Variants in MACROD2 observed in about 807,000 individuals in gnomAD.
MACROD2 encodes the protein ADP-ribose glycohydrolase MACROD2.
In MACROD2, 36 loss-of-function variants were observed where a neutral mutation model predicts 70.4. The observed-to-expected ratio is 0.51, with a 90% CI of 0.39 to 0.68. The LOEUF (loss-of-function observed/expected upper bound fraction) is 0.68, where lower values mean the gene tolerates loss of function less well. Among genes scored for constraint, MACROD2 ranks in the 30% least tolerant of loss-of-function variants. The pLI is 0.00. For missense variants in MACROD2, 496 were observed against 538.4 expected (o/e 0.92, Z 0.78); for synonymous variants, 172 against 178.8 (o/e 0.96, Z 0.30).
chr20:14,871,995 G>A lies in MACROD2; in HGVS notation c.418+187036G>A, dbSNP rs189179600. On this transcript the variant is annotated intron_variant, in intron 5 of 17. Transcript: ENST00000684519. ...AACTATGCTAAATATATATGCACCC[G>A]ACACAGTAGCACCCAGATTCATAAA... 5.3e-4 allele frequency among the ~76,000 whole-genome samples: 81 copies of A among 152,008 alleles called. 2 individuals are homozygous for A. The highest frequency in any genetic ancestry group is 1.5e-4 in the Non-Finnish European group (10 of 67,936).
chr20:14,322,652 C>T (rs933831790), intron 3 of MACROD2, among the ~76,000 whole-genome samples: 20 of 152,008 alleles, frequency 1.3e-4, no homozygotes, highest in African/African-American at 4.8e-4. Context: ...ATTTTGAAGA[C>T]AGCAAACAAA....
intron 5 of MACROD2, among the ~76,000 whole-genome samples, chr20:15,070,433 G>C (rs746807962): frequency 6.6e-6 from 1 of 152,060 alleles, no homozygotes; most frequent in Non-Finnish European, 1.5e-5. Context: ...TGGGGGATCA[G>C]GGGTAGAATG....
intron 8 of MACROD2, among the ~76,000 whole-genome samples, chr20:15,705,577 G>A (rs571863316): frequency 1.3e-5 from 2 of 152,000 alleles, no homozygotes; most frequent in African/African-American, 4.8e-5. Context: ...CCTCCACCAC[G>A]TCTGGTTAAT....
chr20:14,324,395 TATATA>T (rs996082084), intron 3 of MACROD2: 1 of 152,578 alleles, frequency 6.6e-6, no homozygotes, highest in African/African-American at 2.4e-5. Flanking sequence ...ACGAGTTCAT[TATATA>T]ATATCTGGAA....
At chr20:14,249,044 C>T (rs2081989164) in intron 3 of MACROD2, among the ~76,000 whole-genome samples, 1 of 150,896 alleles carries the variant, frequency 6.6e-6, no homozygotes, top group Non-Finnish European at 1.5e-5. Flanking sequence ...TTTCTAGAGG[C>T]AAGATCTTGT....
intron 8 of MACROD2, among the ~76,000 whole-genome samples, chr20:15,735,879 C>A (rs1313985496): frequency 2.0e-5 from 3 of 152,076 alleles, no homozygotes; most frequent in African/African-American, 7.2e-5. Flanking sequence ...CTCTTGATCC[C>A]CAAAGGAATA....
chr20:14,354,363 T>C (rs2083152557), intron 3 of MACROD2, among the ~76,000 whole-genome samples: 1 of 152,196 alleles, frequency 6.6e-6, no homozygotes, highest in South Asian at 2.1e-4. Context: ...AAAAATGTTT[T>C]TATAACTTAA....
intron 4 of MACROD2, chr20:14,629,030 A>G (rs1050222019): frequency 4.6e-5 from 7 of 152,174 alleles, no homozygotes; most frequent in African/African-American, 1.7e-4. Flanking sequence ...AAATAGTGCT[A>G]AAAAAGCCTT....
At chr20:14,612,187 T>C (rs1188072062) in intron 4 of MACROD2, among the ~76,000 whole-genome samples, 3 of 152,140 alleles carry the variant, frequency 2.0e-5, no homozygotes, top group African/African-American at 7.2e-5. Flanking sequence ...ATTAACCCAG[T>C]CTTCATTTAT....
At chr20:14,581,999 G>C (rs898231759) in intron 4 of MACROD2, among the ~76,000 whole-genome samples, 1 of 152,100 alleles carries the variant, frequency 6.6e-6, no homozygotes, top group African/African-American at 2.4e-5. Context: ...TTAAACGTCA[G>C]TTGCTCACGT....
chr20:15,279,822 A>G (rs984491549), intron 6 of MACROD2, among the ~76,000 whole-genome samples: 6 of 152,158 alleles, frequency 3.9e-5, no homozygotes, highest in Middle Eastern at 3.2e-3. Context: ...GTATCATCTT[A>G]TTTAACCCAG....
intron 5 of MACROD2, among the ~76,000 whole-genome samples, chr20:15,023,626 A>C (rs139812876): frequency 6.6e-6 from 1 of 152,196 alleles, no homozygotes; most frequent in Admixed American, 6.5e-5. Context: ...CATGTCTTAC[A>C]TGGCGGCAGG....
chr20:15,376,188 A>G lies in MACROD2; in HGVS notation c.541-55217A>G, dbSNP rs78165939. Among the ~76,000 whole-genome samples the G allele has an allele frequency of 4.3e-3, 651 of 152,284 alleles. 3 individuals are homozygous for G. Among genetic ancestry groups the G allele is most frequent in the Non-Finnish European group, 7.0e-3 (474 of 68,012 alleles). On this transcript the variant is annotated intron_variant, in intron 6 of 17. Coordinates refer to ENST00000684519, the MANE Select transcript of MACROD2 (RefSeq NM_001351661.2). ...TATTCTCCACTTTGTATTTGTGGCA[A>G]TTTTGGATTGGTAGGTAATGAATAG...
chr20:14,376,550 C>T (rs1447694705), intron 3 of MACROD2, among the ~76,000 whole-genome samples: 1 of 152,010 alleles, frequency 6.6e-6, no homozygotes, highest in Admixed American at 6.6e-5. Context: ...AGTTCAAGAC[C>T]AACCTGGGCA....
At chr20:15,968,775 CATATA>C (rs1350067956) in intron 13 of MACROD2, among the ~76,000 whole-genome samples, 5 of 127,690 alleles carry the variant, frequency 3.9e-5, no homozygotes, top group Admixed American at 1.6e-4. Context: ...ATATTATAAA[CATATA>C]ATATTATATA....
chr20:15,612,471 G>C (rs1207643336), intron 8 of MACROD2, among the ~76,000 whole-genome samples: 1 of 152,194 alleles, frequency 6.6e-6, no homozygotes, highest in Non-Finnish European at 1.5e-5. Context: ...GATTGATTAA[G>C]GCTGAGACTA....
intron 6 of MACROD2, among the ~76,000 whole-genome samples, chr20:15,377,182 G>T (rs1038477444): frequency 6.6e-6 from 1 of 152,088 alleles, no homozygotes; most frequent in Non-Finnish European, 1.5e-5. Flanking sequence ...AAGCCACCAC[G>T]TCAGGCCTCT....
chr20:14,369,481 T>G (rs912692199), intron 3 of MACROD2, among the ~76,000 whole-genome samples: 1 of 152,226 alleles, frequency 6.6e-6, no homozygotes, highest in Non-Finnish European at 1.5e-5. Context: ...TTTTAATATT[T>G]TGGTTTCAGC....
At chr20:14,768,099 A>T (rs942348524) in intron 5 of MACROD2, among the ~76,000 whole-genome samples, 2 of 152,058 alleles carry the variant, frequency 1.3e-5, no homozygotes, top group Admixed American at 1.3e-4. Context: ...CAATAAACAT[A>T]TGTGTGCATG....
Sources: gnomAD v4.1 joint callset for allele counts (sites outside exome capture counted in the v4.1 genomes callset) on GRCh38, gnomAD v4.1.1 for gene constraint, MANE v1.5 for transcripts, NCBI Gene and HGNC (gene_info 2026-07-23, HGNC 2026-07-21) for gene names.